The following DNAJC6 variants were observed in gnomAD, a reference collection of about 807,000 sequenced individuals.
DNAJC6 encodes auxilin.
Under a neutral mutation model 110.0 loss-of-function variants are expected in DNAJC6, and 34 were observed. The ratio of observed to expected loss-of-function variants is 0.31; its 90% CI spans 0.24 to 0.41. The LOEUF is 0.41. Ranked by LOEUF, DNAJC6 falls within the 10% of genes least tolerant of loss-of-function variation. The pLI is 1.00. For missense variants in DNAJC6, 1,031 were observed against 1,207.8 expected, an observed-to-expected ratio of 0.85 and a Z score of 2.17; for synonymous variants, 406 against 437.2, an observed-to-expected ratio of 0.93 and a Z score of 0.89.
chr1:65,276,869 G>C (rs1653690895), intron 1 of DNAJC6, among the ~76,000 whole-genome samples: 1 of 152,132 alleles, frequency 6.6e-6, no homozygotes, highest in Admixed American at 6.5e-5. Flanking sequence ...TGTCTTAACA[G>C]CTGCCCCTTG....
chr1:65,402,267 C>T (rs1466326298), intron 15 of DNAJC6, among the ~76,000 whole-genome samples: 10 of 152,018 alleles, frequency 6.6e-5, no homozygotes, highest in East Asian at 1.9e-4. Context: ...AACTGTGATG[C>T]GGTGATGTTA....
At chr1:65,285,798 G>A (rs1653997454) in intron 1 of DNAJC6, among the ~76,000 whole-genome samples, 2 of 152,080 alleles carry the variant, frequency 1.3e-5, no homozygotes, top group Non-Finnish European at 2.9e-5. Context: ...TCAGCCTCCC[G>A]TGTAGCTGCA....
At chr1:65,336,101 AT>A (rs1645333449) in intron 1 of DNAJC6, among the ~76,000 whole-genome samples, 1 of 152,140 alleles carries the variant, frequency 6.6e-6, no homozygotes, top group South Asian at 2.1e-4. Flanking sequence ...TGGGTAATTT[AT>A]TAAAGGAAAG....
Position 65,409,018 on chromosome 1 carries a change from G to A in DNAJC6, c.2634+235G>A, listed in dbSNP as rs1247775954. On this transcript the variant is annotated intron_variant, in intron 17 of 18. Coordinates refer to ENST00000371069, the MANE Select transcript of DNAJC6 (RefSeq NM_001256864.2). The stretch of plus-strand genomic sequence containing the variant: ...GCCAGCCATTTTGGTGTCTGGTGAG[G>A]GCCATCTTCCTGGTTCATGGATGGT... Among the ~76,000 whole-genome samples, 4 of 152,168 alleles carry A rather than the reference G, an allele frequency of 2.6e-5. No individual in the cohort carries two copies. In the East Asian group the frequency reaches 5.8e-4, roughly 22 times the overall value.
At position 65,398,866 on chromosome 1, in the gene DNAJC6, T is replaced by G; in HGVS notation, c.2092T>G (p.Trp698Gly). 2 of 1,614,104 alleles carry G rather than the reference T, an allele frequency of 1.2e-6. No homozygotes were observed. The highest frequency in any genetic ancestry group is 1.7e-6 in the Non-Finnish European group (2 of 1,179,970). ...IQPDVSGGWD[W>G]HAKPGGFGMG... ...GCCAGATGTTTCTGGAGGTTGGGAC[T>G]GGCATGCTAAACCAGGTAAAAGCAG... The change falls in exon 14 of 19, where the codon TGG becomes GGG. Residue 698 changes from tryptophan (W) to glycine (G), a missense_variant. Trp to Gly is a radical substitution (Grantham distance 184). Transcript: ENST00000371069.
rs542292669 is a variant in DNAJC6 at position 65,286,007 on chromosome 1, C to T, written c.-131+21075C>T. 4.0e-4 allele frequency among the ~76,000 whole-genome samples: 61 copies of T among 152,254 alleles called. No homozygotes were observed. The South Asian group carries it at 8.5e-3, about 21-fold the overall frequency. ...TTTTGAGAGGAGATAATTTGTCAAA[C>T]CCAGCACTCTGCCTACCACAAAAGT... is the stretch of plus-strand genomic sequence containing the variant. On this transcript the variant is annotated intron_variant, in intron 1 of 19. Transcript: ENST00000263441.
At position 65,275,438 on chromosome 1, in the gene DNAJC6, A is replaced by G. The variant is rs183974761; in HGVS notation, c.-131+10506A>G. On this transcript the variant is annotated intron_variant, in intron 1 of 19. Coordinates refer to the DNAJC6 transcript ENST00000263441. ...GGTTTTCATCCTTTCTTGGAAAAGC[A>G]GGCTGTCAGTCAGTCTTATGTTGTT... Among the ~76,000 whole-genome samples the G allele has an allele frequency of 4.6e-5, 7 of 152,336 alleles. No individual in the cohort carries two copies. The East Asian group carries it at 1.3e-3, about 29-fold the overall frequency.
At position 65,313,219 on chromosome 1, in the gene DNAJC6, A is replaced by G. The variant is rs538955809; in HGVS notation, c.193+3281A>G. On this transcript the variant is annotated intron_variant, in intron 1 of 18. Transcript: ENST00000371069. ...AGGTATGAACCACCATGCCTGGCTA[A>G]TTTTTTTTTTTTTTTTCTTTGTAGA... Among the ~76,000 whole-genome samples, 186 of 135,854 alleles carry G rather than the reference A, an allele frequency of 1.4e-3. 1 individual carries two copies. Among genetic ancestry groups the G allele is most frequent in the African/African-American group, 4.7e-3 (171 of 36,612 alleles). 89.1% of individuals were successfully genotyped at this position (135,854 alleles called of 152,430 possible).
chr1:65,383,879 G>C (rs1043582024), intron 5 of DNAJC6, among the ~76,000 whole-genome samples: 3 of 152,138 alleles, frequency 2.0e-5, no homozygotes, highest in African/African-American at 7.2e-5. Context: ...TAAACCAAGA[G>C]ACTTCAACTA....
intron 15 of DNAJC6, among the ~76,000 whole-genome samples, chr1:65,403,718 C>T (rs966047011): frequency 3.3e-5 from 5 of 152,176 alleles, no homozygotes; most frequent in Non-Finnish European, 7.3e-5. Flanking sequence ...CTGGATTTAG[C>T]TACCACTTTG....
chr1:65,347,175 GAC>G (rs138834113), intron 1 of DNAJC6, among the ~76,000 whole-genome samples: 16,616 of 151,954 alleles, frequency 0.11, 1,507 homozygotes, highest in African/African-American at 0.24. Context: ...TATGTATGTG[GAC>G]ACACAACACA....
chr1:65,310,001 C>T, intron 1 of DNAJC6, 63 bp downstream of exon 1: 1 of 1,378,986 alleles, frequency 7.3e-7, no homozygotes, highest in South Asian at 1.7e-5. Context: ...CTCCCAGTCG[C>T]CCGGCCCGAG....
At chr1:65,303,670 T>TA (rs1645011321) in intron 1 of DNAJC6, among the ~76,000 whole-genome samples, 1 of 152,176 alleles carries the variant, frequency 6.6e-6, no homozygotes, top group African/African-American at 2.4e-5. Flanking sequence ...GTGATTCTCT[T>TA]GCCTCAGCCT....
chr1:65,280,120 C>T (rs1653798732), intron 1 of DNAJC6, among the ~76,000 whole-genome samples: 1 of 152,128 alleles, frequency 6.6e-6, no homozygotes, highest in Admixed American at 6.5e-5. Context: ...TAATATCTAA[C>T]ACATAGTAGG....
At chr1:65,275,897 T>G (rs1653651759) in intron 1 of DNAJC6, among the ~76,000 whole-genome samples, 1 of 120,102 alleles carries the variant, frequency 8.3e-6, no homozygotes, top group African/African-American at 3.2e-5. Flanking sequence ...TACTATTAGA[T>G]TCTTTTTTTT....
chr1:65,405,990 G>T lies in DNAJC6; in HGVS notation c.2348G>T (p.Gly783Val). Residue 783 changes from glycine to valine, a missense_variant, in exon 16 of 19, where the codon GGT becomes GTT. By Grantham distance (109) the Gly-to-Val change is moderately radical (BLOSUM62 -3). Coordinates refer to ENST00000371069, the MANE Select transcript of DNAJC6 (RefSeq NM_001256864.2). Reference protein sequence around the residue: ...QPMGGGWQQGGAYNWQQPQPK... With the variant: ...QPMGGGWQQGVAYNWQQPQPK... The stretch of plus-strand genomic sequence containing the variant: ...ATGGGTGGCGGGTGGCAGCAGGGAG[G>T]TGCCTACAACTGGCAGCAGCCACAG... 1.2e-6 allele frequency: 2 copies of T among 1,614,188 alleles called. No individual in the cohort carries two copies. The highest frequency in any genetic ancestry group is 1.7e-6 in the Non-Finnish European group (2 of 1,180,052).
intron 1 of DNAJC6, among the ~76,000 whole-genome samples, chr1:65,327,335 A>G (rs1052131063): frequency 1.3e-5 from 2 of 152,178 alleles, no homozygotes; most frequent in Admixed American, 1.3e-4. Flanking sequence ...CAAACTTAAA[A>G]TAGTTACACG....
intron 1 of DNAJC6, among the ~76,000 whole-genome samples, chr1:65,334,651 A>G (rs1024034223): frequency 2.0e-5 from 3 of 152,196 alleles, no homozygotes; most frequent in Admixed American, 2.0e-4. Flanking sequence ...AGGGGTCCAA[A>G]GCTGTTAGGA....
At chr1:65,337,543 A>T (rs530998911) in intron 1 of DNAJC6, among the ~76,000 whole-genome samples, 1 of 152,076 alleles carries the variant, frequency 6.6e-6, no homozygotes, top group Non-Finnish European at 1.5e-5. Context: ...TTAAACACAC[A>T]TTCATGTTTC....
Sources: allele counts gnomAD v4.1 joint callset (sites outside exome capture counted in the v4.1 genomes callset), GRCh38; gene constraint gnomAD v4.1.1; transcripts MANE v1.5; gene names NCBI Gene and HGNC (gene_info 2026-07-23, HGNC 2026-07-21).